REEP3: variants seen among roughly 807,000 people sequenced by gnomAD.
REEP3 encodes the protein receptor accessory protein 3.
Under a neutral mutation model 41.3 loss-of-function variants are expected in REEP3, and 20 were observed. The observed-to-expected ratio is 0.48, with a 90% CI of 0.34 to 0.70. REEP3 has a LOEUF of 0.70. REEP3 is among the 30% of genes least tolerant of loss of function. The pLI is 0.01. For synonymous variants in REEP3, 104 were observed against 101.8 expected, an observed-to-expected ratio of 1.02 and a Z score of -0.13; for missense variants, 271 against 308.8, an observed-to-expected ratio of 0.88 and a Z score of 0.92.
chr10:63,599,978 G>T (rs571354253), intron 5 of REEP3, among the ~76,000 whole-genome samples: 2 of 152,226 alleles, frequency 1.3e-5, no homozygotes, highest in African/African-American at 4.8e-5. Context: ...TATAAAATGG[G>T]GGTAATATAC....
intron 2 of REEP3, among the ~76,000 whole-genome samples, chr10:63,591,710 G>A (rs933142842): frequency 1.3e-5 from 2 of 152,086 alleles, no homozygotes; most frequent in Non-Finnish European, 2.9e-5. Context: ...AAATTAATTT[G>A]ATGACTTCAT....
intron 7 of REEP3, 101 bp downstream of exon 7, chr10:63,619,901 G>T: frequency 1.2e-5 from 8 of 656,126 alleles, no homozygotes; most frequent in South Asian, 9.6e-5. Context: ...GGATTGGAAT[G>T]GTAGAACAGC....
chr10:63,608,893 T>C (rs1298968020), intron 5 of REEP3, among the ~76,000 whole-genome samples: 1 of 152,182 alleles, frequency 6.6e-6, no homozygotes, highest in African/African-American at 2.4e-5. Flanking sequence ...ATTAAAGAAC[T>C]GAATATTATA....
intron 1 of REEP3, among the ~76,000 whole-genome samples, chr10:63,524,239 C>G (rs1435298069): frequency 2.0e-5 from 3 of 152,070 alleles, no homozygotes; most frequent in Non-Finnish European, 1.5e-5. Context: ...TTTTTCACAC[C>G]AGGAGGTAGA....
chr10:63,616,063 C>T (rs988317110), intron 6 of REEP3, among the ~76,000 whole-genome samples: 1 of 152,180 alleles, frequency 6.6e-6, no homozygotes, highest in Admixed American at 6.5e-5. Flanking sequence ...CTGCTTAAAA[C>T]ATTTCAATAC....
intron 5 of REEP3, among the ~76,000 whole-genome samples, chr10:63,609,597 T>C (rs1956261062): frequency 6.6e-6 from 1 of 151,718 alleles, no homozygotes; most frequent in Non-Finnish European, 1.5e-5. Context: ...CCCATCTCTG[T>C]TAAAAATACA....
At chr10:63,581,447 AT>A (rs1217558495) in intron 2 of REEP3, among the ~76,000 whole-genome samples, 1 of 152,124 alleles carries the variant, frequency 6.6e-6, no homozygotes, top group Non-Finnish European at 1.5e-5. Context: ...TTTACCTTAA[AT>A]TTTGTCTCTT....
intron 1 of REEP3, among the ~76,000 whole-genome samples, chr10:63,564,480 A>C (rs1292717877): frequency 2.6e-5 from 4 of 151,944 alleles, no homozygotes; most frequent in Admixed American, 2.6e-4. Flanking sequence ...AAAATTGGCG[A>C]GACATGGTAG....
chr10:63,600,557 C>A (rs1956163310), intron 5 of REEP3, among the ~76,000 whole-genome samples: 1 of 152,070 alleles, frequency 6.6e-6, no homozygotes. Context: ...TTTAGAAGTT[C>A]ATTTTGTTTT....
At chr10:63,542,089 T>TTG (rs938954409) in intron 1 of REEP3, among the ~76,000 whole-genome samples, 104 of 150,818 alleles carry the variant, frequency 6.9e-4, no homozygotes, top group Middle Eastern at 3.4e-3. Flanking sequence ...GTTTTTGTTT[T>TTG]TTTTTTTTGA....
At chr10:63,586,420 C>T (rs1298516353) in intron 2 of REEP3, among the ~76,000 whole-genome samples, 5 of 152,094 alleles carry the variant, frequency 3.3e-5, no homozygotes, top group African/African-American at 1.2e-4. Flanking sequence ...GAGCATATTT[C>T]CTTGGAAAAT....
At chr10:63,536,431 ATCTAAAT>A (rs1250144435) in intron 1 of REEP3, among the ~76,000 whole-genome samples, 2 of 152,200 alleles carry the variant, frequency 1.3e-5, no homozygotes, top group Non-Finnish European at 2.9e-5. Context: ...TGTGAAAAGT[ATCTAAAT>A]TATTTAAAAT....
chr10:63,577,084 A>G (rs1228304572), intron 2 of REEP3, among the ~76,000 whole-genome samples: 2 of 152,188 alleles, frequency 1.3e-5, no homozygotes, highest in African/African-American at 4.8e-5. Context: ...ATCAATGTCT[A>G]TATCTTTAGG....
chr10:63,618,166 T>C (rs1260089936), intron 6 of REEP3, among the ~76,000 whole-genome samples: 5 of 151,462 alleles, frequency 3.3e-5, no homozygotes, highest in Non-Finnish European at 7.4e-5. Flanking sequence ...AATTTAAGTA[T>C]TTATGCTCCT....
rs569452451 is a variant in REEP3, at chr10:63,624,224, A to G, written c.*3355A>G. On this transcript the variant is annotated 3_prime_UTR_variant, in exon 8 of 8. Coordinates refer to ENST00000373758, the MANE Select transcript of REEP3 (RefSeq NM_001001330.3). ...AAGCAATTAGGCAAATTTTGAGAAG[A>G]TCATTGTTATTGTGGTTTGCAGTAT... The G allele has an allele frequency of 7.2e-5, 11 of 152,248 alleles. No individual in the cohort carries two copies. The highest frequency in any genetic ancestry group is 6.5e-4 in the Admixed American group (10 of 15,298). 9.4% of individuals were successfully genotyped at this position (152,248 alleles called of 1,614,324 possible). A position where few individuals can be genotyped will look rare whatever the true frequency, so the allele number is the denominator to read the frequency against.
intron 1 of REEP3, among the ~76,000 whole-genome samples, chr10:63,560,445 A>G (rs1021975439): frequency 6.6e-6 from 1 of 152,182 alleles, no homozygotes; most frequent in Non-Finnish European, 1.5e-5. Context: ...TGTTTTAAGT[A>G]TTTTCCGTAT....
At chr10:63,591,821 G>A (rs6479911) in intron 2 of REEP3, among the ~76,000 whole-genome samples, 109,080 of 152,078 alleles carry the variant, frequency 0.72, 39,488 homozygotes, top group East Asian at 0.98. Context: ...TTCAGGGAAT[G>A]TCAGCAAATG....
At chr10:63,609,564 C>A (rs1159035155) in intron 5 of REEP3, among the ~76,000 whole-genome samples, 2 of 152,064 alleles carry the variant, frequency 1.3e-5, no homozygotes, top group African/African-American at 4.8e-5. Context: ...AGCTCAAGAC[C>A]AGCCTGGCCA....
chr10:63,571,017 AGGT>A (rs1955847152), intron 2 of REEP3, among the ~76,000 whole-genome samples: 1 of 152,120 alleles, frequency 6.6e-6, no homozygotes, highest in Non-Finnish European at 1.5e-5. Flanking sequence ...CAGGAGGCTG[AGGT>A]GGGAGGATCA....
Sources: allele counts gnomAD v4.1 joint callset (sites outside exome capture counted in the v4.1 genomes callset), GRCh38; gene constraint gnomAD v4.1.1; transcripts MANE v1.5; gene names NCBI Gene and HGNC (gene_info 2026-07-23, HGNC 2026-07-21).